EYS: variants seen among roughly 807,000 people sequenced by gnomAD.
The protein encoded by EYS is EGF-like photoreceptor maintenance factor.
EYS carries 250 observed loss-of-function variants against 282.1 expected under a neutral mutation model. The observed-to-expected ratio is 0.89, with a 90% CI of 0.80 to 0.98. The LOEUF is 0.98. EYS is among the 50% of genes least tolerant of loss of function. The pLI, the probability that EYS is intolerant of heterozygous loss-of-function variation, is 0.00. For synonymous variants in EYS, 1,355 were observed against 1,282.9 expected, an observed-to-expected ratio of 1.06 and a Z score of -1.20; for missense variants, 4,016 against 3,709.0, an observed-to-expected ratio of 1.08 and a Z score of -2.15.
At chr6:64,707,464 T>C (rs915584627) in intron 22 of EYS, among the ~76,000 whole-genome samples, 4 of 151,774 alleles carry the variant, frequency 2.6e-5, no homozygotes, top group Non-Finnish European at 4.4e-5. Context: ...GGTCAGGAGA[T>C]CAAGACCATC....
chr6:65,443,334 GTATGTA>G lies in EYS; in HGVS notation c.863-37973_863-37968del, dbSNP rs1768478894. Among the ~76,000 whole-genome samples the G allele has an allele frequency of 6.2e-5, 7 of 113,500 alleles. No homozygotes were observed. The South Asian group carries it at 2.0e-3, about 33-fold the overall frequency. 74.5% of individuals were successfully genotyped at this position (113,500 alleles called of 152,430 possible). A position where few individuals can be genotyped will look rare whatever the true frequency, so the allele number is the denominator to read the frequency against. On this transcript the variant is annotated intron_variant, in intron 5 of 42. Coordinates refer to ENST00000503581, the MANE Select transcript of EYS (RefSeq NM_001142800.2). Reference sequence around the variant, plus strand: ...CACATATAGACATATATGCATACATGTATGTACACATATAGACATATATGCATACAT... The same window carrying G: ...CACATATAGACATATATGCATACATGCACATATAGACATATATGCATACAT...
chr6:65,145,266 A>T (rs1764448326), intron 12 of EYS, among the ~76,000 whole-genome samples: 1 of 149,754 alleles, frequency 6.7e-6, no homozygotes, highest in African/African-American at 2.5e-5. Flanking sequence ...AATATTATGA[A>T]TTTTTTCAAC....
At chr6:63,850,868 A>G (rs1475076478) in intron 36 of EYS, among the ~76,000 whole-genome samples, 1 of 152,228 alleles carries the variant, frequency 6.6e-6, no homozygotes, top group Non-Finnish European at 1.5e-5. Context: ...CAATTAAAAG[A>G]CACAGACTGG....
chr6:65,294,541 C>T (rs1223518567), intron 12 of EYS, among the ~76,000 whole-genome samples: 2 of 151,590 alleles, frequency 1.3e-5, no homozygotes, highest in Non-Finnish European at 2.9e-5. Flanking sequence ...ATAGTTTATA[C>T]ACAATATATA....
intron 33 of EYS, among the ~76,000 whole-genome samples, chr6:64,020,434 A>C (rs1769134550): frequency 6.6e-6 from 1 of 152,306 alleles, no homozygotes; most frequent in South Asian, 2.1e-4. Flanking sequence ...ACTTAACTAA[A>C]AAAACACCAA....
chr6:64,876,094 A>C (rs1766742847), intron 19 of EYS, among the ~76,000 whole-genome samples: 1 of 151,994 alleles, frequency 6.6e-6, no homozygotes, highest in Non-Finnish European at 1.5e-5. Flanking sequence ...GTTTTACTTC[A>C]CCTCTAGATT....
At chr6:65,502,403 T>G (rs1398775139) in intron 2 of EYS, among the ~76,000 whole-genome samples, 1 of 151,662 alleles carries the variant, frequency 6.6e-6, no homozygotes. Context: ...TTAAAAAAAT[T>G]TAGTAGAGTT....
At chr6:64,270,569 G>A (rs573241916) in intron 30 of EYS, among the ~76,000 whole-genome samples, 3 of 152,050 alleles carry the variant, frequency 2.0e-5, no homozygotes, top group Admixed American at 1.3e-4. Context: ...ATTTATATGC[G>A]CTGATATATA....
intron 12 of EYS, among the ~76,000 whole-genome samples, chr6:65,153,418 C>CCACTAAAT (rs1434262252): frequency 7.1e-6 from 1 of 141,160 alleles, no homozygotes; most frequent in East Asian, 2.2e-4. Flanking sequence ...TGTGTGTTAA[C>CCACTAAAT]CACTAAATGC....
At chr6:63,968,479 C>T (rs1027631764) in intron 35 of EYS, among the ~76,000 whole-genome samples, 3 of 151,756 alleles carry the variant, frequency 2.0e-5, no homozygotes, top group African/African-American at 7.3e-5. Context: ...AAAAAGTGAA[C>T]TCAAAAATAA....
At chr6:65,161,200 G>A (rs1361925486) in intron 12 of EYS, among the ~76,000 whole-genome samples, 1 of 150,994 alleles carries the variant, frequency 6.6e-6, no homozygotes, top group Non-Finnish European at 1.5e-5. Context: ...TTGTTAATCT[G>A]TCTAAAGATA....
intron 24 of EYS, among the ~76,000 whole-genome samples, chr6:64,608,159 C>A (rs1766993572): frequency 6.6e-6 from 1 of 152,120 alleles, no homozygotes; most frequent in Admixed American, 6.6e-5. Context: ...TTGTGATTAA[C>A]ACCACAATAA....
chr6:64,685,099 C>CA lies in EYS; in HGVS notation c.3444-58855dup, dbSNP rs539647929. On this transcript the variant is annotated intron_variant, in intron 22 of 42. Coordinates refer to ENST00000503581, the MANE Select transcript of EYS (RefSeq NM_001142800.2). Reference sequence around the variant, plus strand: ...GATGAAAAGCAGTATGTTGTGGAAACAAAAAGTATAAGAAATTTGGCCTGA... The same window carrying CA: ...GATGAAAAGCAGTATGTTGTGGAAACAAAAAAGTATAAGAAATTTGGCCTGA... 3.8e-4 allele frequency among the ~76,000 whole-genome samples: 57 copies of CA among 151,698 alleles called. No individual in the cohort carries two copies. In the South Asian group the frequency reaches 0.012, roughly 31 times the overall value.
At chr6:64,839,893 C>T (rs1765510551) in intron 19 of EYS, among the ~76,000 whole-genome samples, 1 of 152,028 alleles carries the variant, frequency 6.6e-6, no homozygotes, top group South Asian at 2.1e-4. Flanking sequence ...ATGATTTAAT[C>T]ACTTCCCCCC....
chr6:65,647,141 C>T (rs559681751), intron 1 of EYS, among the ~76,000 whole-genome samples: 1 of 152,190 alleles, frequency 6.6e-6, no homozygotes, highest in South Asian at 2.1e-4. Context: ...CACCATCATT[C>T]TTCACAGAAC....
At chr6:65,489,315 G>T (rs1449706307) in intron 5 of EYS, 1 of 152,178 alleles carries the variant, frequency 6.6e-6, no homozygotes, top group Non-Finnish European at 1.5e-5. Context: ...AATGGGCGAA[G>T]GATATGAACA....
intron 31 of EYS, among the ~76,000 whole-genome samples, chr6:64,181,078 A>C (rs934306503): frequency 2.0e-5 from 3 of 152,132 alleles, no homozygotes; most frequent in Admixed American, 2.0e-4. Context: ...CCTGCTTTAG[A>C]AACTATATAA....
At chr6:64,226,792 A>G (rs991987841) in intron 31 of EYS, among the ~76,000 whole-genome samples, 2 of 152,100 alleles carry the variant, frequency 1.3e-5, no homozygotes, top group African/African-American at 4.8e-5. Context: ...GTAGAGCAGC[A>G]TATGATGTAA....
At chr6:63,805,706 TG>T (rs1457395235) in intron 37 of EYS, among the ~76,000 whole-genome samples, 1 of 152,162 alleles carries the variant, frequency 6.6e-6, no homozygotes, top group Non-Finnish European at 1.5e-5. Context: ...AATTAAATCA[TG>T]GGGGTGGTTT....
Sources: allele counts gnomAD v4.1 joint callset (sites outside exome capture counted in the v4.1 genomes callset), GRCh38; gene constraint gnomAD v4.1.1; transcripts MANE v1.5; gene names NCBI Gene and HGNC (gene_info 2026-07-23, HGNC 2026-07-21).